The following CAMKMT variants were observed in gnomAD, a reference collection of about 807,000 sequenced individuals.
CAMKMT encodes the protein calmodulin-lysine N-methyltransferase, also known as CaM KMT.
CAMKMT carries 53 observed loss-of-function variants against 48.0 expected under a neutral mutation model. That is an observed-to-expected ratio of 1.10 (90% CI 0.89 to 1.39). The LOEUF is 1.39. CAMKMT is among the 40% of genes most tolerant of loss of function. The pLI, the probability that CAMKMT is intolerant of heterozygous loss-of-function variation, is 0.00. For synonymous variants in CAMKMT, 165 were observed against 152.3 expected (o/e 1.08, Z -0.61); for missense variants, 428 against 402.7 (o/e 1.06, Z -0.54).
chr2:44,373,070 G>T (rs960748564), intron 2 of CAMKMT, among the ~76,000 whole-genome samples, 182 bp downstream of exon 2: 2 of 152,158 alleles, frequency 1.3e-5, no homozygotes, highest in Admixed American at 1.3e-4. Flanking sequence ...TGTATTATCA[G>T]ACTAAAGGAA....
intron 9 of CAMKMT, among the ~76,000 whole-genome samples, chr2:44,759,102 A>C (rs752197215): frequency 3.3e-5 from 5 of 152,192 alleles, no homozygotes; most frequent in Non-Finnish European, 7.3e-5. Context: ...ATAAATGTAA[A>C]TCATAAACTC....
intron 3 of CAMKMT, among the ~76,000 whole-genome samples, chr2:44,506,962 G>A (rs1405736922): frequency 6.6e-6 from 1 of 152,024 alleles, no homozygotes; most frequent in South Asian, 2.1e-4. Flanking sequence ...TCTTTAAAAC[G>A]TTTTAATTCG....
chr2:44,667,458 T>G (rs1410662019), intron 3 of CAMKMT, among the ~76,000 whole-genome samples: 1 of 152,196 alleles, frequency 6.6e-6, no homozygotes, highest in Non-Finnish European at 1.5e-5. Context: ...TGTAGACCCT[T>G]TAAAGCACAA....
Position 44,632,357 on chromosome 2 carries a change from CTT to C in CAMKMT, c.377-71923_377-71922del, listed in dbSNP as rs757477561. 3.5e-4 allele frequency among the ~76,000 whole-genome samples: 54 copies of C among 152,176 alleles called. 1 individual carries two copies. Among genetic ancestry groups the C allele is most frequent in the South Asian group, 8.3e-4 (4 of 4,818 alleles). On this transcript the variant is annotated intron_variant, in intron 3 of 10. Transcript: ENST00000378494. ...CTGAGTTGATGTCATTTTTTAAACA[CTT>C]TTCTCTGGATAAATTATTTTTTATT...
intron 3 of CAMKMT, among the ~76,000 whole-genome samples, chr2:44,539,488 G>A (rs1377326717): frequency 6.6e-6 from 1 of 152,046 alleles, no homozygotes; most frequent in Non-Finnish European, 1.5e-5. Flanking sequence ...TCAAAATCAG[G>A]AAATTTGATG....
chr2:44,450,397 G>A (rs762406925), intron 3 of CAMKMT, among the ~76,000 whole-genome samples: 53 of 152,208 alleles, frequency 3.5e-4, no homozygotes, highest in Middle Eastern at 6.8e-3. Context: ...AAAGAAAAGA[G>A]AGAAGCAATT....
intron 3 of CAMKMT, among the ~76,000 whole-genome samples, chr2:44,435,084 A>C (rs549187025): frequency 2.6e-5 from 4 of 152,294 alleles, no homozygotes; most frequent in African/African-American, 9.6e-5. Flanking sequence ...AATACTACTA[A>C]TTAACATTGG....
chr2:44,398,168 C>T (rs1695102752), intron 3 of CAMKMT, among the ~76,000 whole-genome samples: 2 of 152,138 alleles, frequency 1.3e-5, no homozygotes, highest in South Asian at 4.1e-4. Flanking sequence ...GGTGAGGAAA[C>T]TGATGTCCAG....
chr2:44,729,382 G>A (rs1678963082), intron 7 of CAMKMT, among the ~76,000 whole-genome samples: 1 of 152,272 alleles, frequency 6.6e-6, no homozygotes, highest in African/African-American at 2.4e-5. Flanking sequence ...TGTGTGTCAG[G>A]AGTAGTAAAA....
At chr2:44,626,776 G>A (rs1307797025) in intron 3 of CAMKMT, among the ~76,000 whole-genome samples, 1 of 151,990 alleles carries the variant, frequency 6.6e-6, no homozygotes, top group African/African-American at 2.4e-5. Context: ...AATTTTGGGG[G>A]GACACAACAT....
chr2:44,526,701 C>T (rs967909145), intron 3 of CAMKMT, among the ~76,000 whole-genome samples: 1 of 152,192 alleles, frequency 6.6e-6, no homozygotes, highest in African/African-American at 2.4e-5. Context: ...CCCACCTACA[C>T]TGGCAAGGGC....
intron 3 of CAMKMT, among the ~76,000 whole-genome samples, chr2:44,430,771 T>G (rs545290078): frequency 9.9e-5 from 15 of 152,270 alleles, no homozygotes; most frequent in Admixed American, 8.5e-4. Flanking sequence ...GCTTTACTGT[T>G]AAAAGTAAAT....
At chr2:44,740,124 ATTTTTT>A (rs753300790) in intron 7 of CAMKMT, among the ~76,000 whole-genome samples, 1 of 120,210 alleles carries the variant, frequency 8.3e-6, no homozygotes, top group Non-Finnish European at 1.7e-5. Context: ...TGATTGCTGC[ATTTTTT>A]TTTTTTTTTT....
At chr2:44,456,777 A>T (rs1667586200) in intron 3 of CAMKMT, 1 of 588,724 alleles carries the variant, frequency 1.7e-6, no homozygotes. Context: ...TTTCTGGGAG[A>T]TCATTAATCA....
In CAMKMT at chr2:44,715,288, T is replaced by A; in HGVS notation, c.558T>A (p.Asn186Lys). Reference protein sequence around the residue: ...LTDGNEKAIRNVQDIITRNQK... With the variant: ...LTDGNEKAIRKVQDIITRNQK... ...TGTTTTCTTAACTGTGTCCTGTAGA[T>A]GTGCAAGACATCATCACAAGGAATC... The change falls in exon 7 of 11, where the codon AAT becomes AAA. Residue 186 changes from asparagine (N) to lysine (K), a missense_variant and splice_region_variant. Transcript: ENST00000378494. 3.7e-6 allele frequency: 6 copies of A among 1,612,104 alleles called. No individual in the cohort carries two copies. Among genetic ancestry groups the A allele is most frequent in the Non-Finnish European group, 5.1e-6 (6 of 1,178,622 alleles).
chr2:44,550,028 G>A (rs1374539686), intron 3 of CAMKMT, among the ~76,000 whole-genome samples: 1 of 152,236 alleles, frequency 6.6e-6, no homozygotes, highest in African/African-American at 2.4e-5. Flanking sequence ...GAAAAGGAAT[G>A]TGTGTGTAGT....
intron 3 of CAMKMT, among the ~76,000 whole-genome samples, chr2:44,460,826 G>A (rs1337279717): frequency 1.4e-5 from 2 of 147,986 alleles, no homozygotes; most frequent in Non-Finnish European, 3.0e-5. Flanking sequence ...AGGTTCACAC[G>A]ATTCTCCAGC....
chr2:44,367,102 C>T (rs1396157430), intron 1 of CAMKMT, among the ~76,000 whole-genome samples: 1 of 152,130 alleles, frequency 6.6e-6, no homozygotes, highest in East Asian at 1.9e-4. Flanking sequence ...TTACTTGCAT[C>T]CCTGAGCATA....
intron 3 of CAMKMT, among the ~76,000 whole-genome samples, chr2:44,470,690 A>G (rs1668367027): frequency 6.6e-6 from 1 of 152,176 alleles, no homozygotes. Context: ...TTGCTAATAT[A>G]TATGCATGTC....
Sources: gnomAD v4.1 joint callset for allele counts (sites outside exome capture counted in the v4.1 genomes callset) on GRCh38, gnomAD v4.1.1 for gene constraint, MANE v1.5 for transcripts, NCBI Gene and HGNC (gene_info 2026-07-23, HGNC 2026-07-21) for gene names.